PLBD1: variants seen among roughly 807,000 people sequenced by gnomAD.
The protein encoded by PLBD1 is phospholipase B domain containing 1.
Under a neutral mutation model 63.0 loss-of-function variants are expected in PLBD1, and 60 were observed. That is an observed-to-expected ratio of 0.95 (90% CI 0.77 to 1.18). The LOEUF (loss-of-function observed/expected upper bound fraction) is 1.18. Ranked by LOEUF, PLBD1 falls within the 50% of genes most tolerant of loss-of-function variation. PLBD1 has a pLI of 0.00. For missense variants in PLBD1, 598 were observed against 677.9 expected (o/e 0.88, Z 1.31); for synonymous variants, 262 against 248.0 (o/e 1.06, Z -0.53).
At chr12:14,549,729 C>T (rs777158806) in intron 2 of PLBD1, among the ~76,000 whole-genome samples, 4 of 151,950 alleles carry the variant, frequency 2.6e-5, no homozygotes, top group East Asian at 1.9e-4. Flanking sequence ...AGTGCAATGG[C>T]GCAATCTCAA....
At chr12:14,508,956 C>T (rs554871059) in intron 8 of PLBD1, among the ~76,000 whole-genome samples, 9 of 152,224 alleles carry the variant, frequency 5.9e-5, no homozygotes, top group East Asian at 1.9e-4. Context: ...TATCACCATA[C>T]CACAGTTGCT....
chr12:14,536,007 A>G, intron 5 of PLBD1: 1 of 520,872 alleles, frequency 1.9e-6, no homozygotes, highest in Non-Finnish European at 3.3e-6. Flanking sequence ...TCAAAATGGA[A>G]GACTCCAGCT....
intron 6 of PLBD1, among the ~76,000 whole-genome samples, chr12:14,523,835 T>C (rs894668257): frequency 4.6e-5 from 7 of 152,258 alleles, no homozygotes; most frequent in African/African-American, 1.7e-4. Flanking sequence ...AATAAGTATG[T>C]TAAAGAGATA....
chr12:14,513,819 G>A (rs1291531854), intron 6 of PLBD1, among the ~76,000 whole-genome samples: 7 of 144,910 alleles, frequency 4.8e-5, no homozygotes, highest in African/African-American at 1.5e-4. Context: ...TCGCTCTGTC[G>A]CCCAGGCTGG....
At position 14,511,405 on chromosome 12, in the gene PLBD1, A is replaced by T; in HGVS notation, c.1046-5T>A. Reference sequence around the variant, plus strand: ...TGTATTGATTGTTATAGGTGCCTGAAATATCAGGAAACATGAAGACGGGGC... The same window carrying T: ...TGTATTGATTGTTATAGGTGCCTGATATATCAGGAAACATGAAGACGGGGC... On this transcript the variant is annotated splice_polypyrimidine_tract_variant and splice_region_variant and intron_variant, in intron 7 of 10. Coordinates refer to ENST00000240617, the MANE Select transcript of PLBD1 (RefSeq NM_024829.6). The T allele has an allele frequency of 6.2e-7, 1 of 1,613,130 alleles. No homozygotes were observed. The highest frequency in any genetic ancestry group is 8.5e-7 in the Non-Finnish European group (1 of 1,179,450).
At position 14,537,082 on chromosome 12, in the gene PLBD1, G is replaced by A. The variant is rs977906808; in HGVS notation, c.559-372C>T. On this transcript the variant is annotated intron_variant, in intron 4 of 10. Transcript: ENST00000240617. ...CCAGCCTGGGCAACAGAGCGAGACCGCATCTCAAAAAAAAAAAAAAAAAAA... is the reference window on the plus strand; with the variant it reads ...CCAGCCTGGGCAACAGAGCGAGACCACATCTCAAAAAAAAAAAAAAAAAAA... Among the ~76,000 whole-genome samples, 9 of 125,066 alleles carry A rather than the reference G, an allele frequency of 7.2e-5. No homozygotes were observed. In the East Asian group the frequency reaches 1.8e-3, roughly 25 times the overall value. The allele number at this position is 125,066 out of a possible 152,430, so 82.0% of individuals were successfully genotyped here. A position where few individuals can be genotyped will look rare whatever the true frequency, so the allele number is the denominator to read the frequency against.
intron 10 of PLBD1, 103 bp downstream of exon 10, chr12:14,506,059 T>A (rs1478290818): frequency 1.4e-6 from 1 of 689,968 alleles, no homozygotes; most frequent in South Asian, 2.4e-5. Context: ...GTTGAGTTTA[T>A]GGTTAGCGAC....
At chr12:14,543,441 G>A (rs1008031169) in intron 2 of PLBD1, among the ~76,000 whole-genome samples, 6 of 151,940 alleles carry the variant, frequency 3.9e-5, no homozygotes, top group Non-Finnish European at 7.4e-5. Context: ...TTCTTAGGCC[G>A]AGCACGATGG....
intron 1 of PLBD1, among the ~76,000 whole-genome samples, chr12:14,558,481 C>A (rs540129589): frequency 6.6e-6 from 1 of 152,278 alleles, no homozygotes; most frequent in East Asian, 1.9e-4. Flanking sequence ...GCTTTTCTCA[C>A]ACATTCCCTT....
intron 3 of PLBD1, 64 bp downstream of exon 3, chr12:14,542,144 G>T (rs1229239910): frequency 1.4e-6 from 2 of 1,391,282 alleles, no homozygotes; most frequent in East Asian, 2.3e-5. Flanking sequence ...ATTGCTGCTT[G>T]AAATTACAGA....
chr12:14,506,045 C>A, intron 10 of PLBD1, 117 bp downstream of exon 10: 1 of 625,050 alleles, frequency 1.6e-6, no homozygotes, highest in Non-Finnish European at 2.7e-6. Flanking sequence ...AAGCTGATTC[C>A]TGGGTTGAGT....
intron 1 of PLBD1, among the ~76,000 whole-genome samples, chr12:14,557,153 T>C (rs766660926): frequency 6.6e-6 from 1 of 151,980 alleles, no homozygotes; most frequent in Non-Finnish European, 1.5e-5. Flanking sequence ...TGGCTATTAT[T>C]TAAAATGTCA....
intron 1 of PLBD1, among the ~76,000 whole-genome samples, chr12:14,561,219 A>T (rs865803591): frequency 5.3e-5 from 8 of 151,256 alleles, no homozygotes; most frequent in Non-Finnish European, 7.4e-5. Flanking sequence ...CAAAACAACA[A>T]TCCACAAATG....
chr12:14,514,711 C>A (rs961713717), intron 6 of PLBD1, among the ~76,000 whole-genome samples: 1 of 151,826 alleles, frequency 6.6e-6, no homozygotes, highest in Non-Finnish European at 1.5e-5. Flanking sequence ...AAACACATTT[C>A]TTTGACTACA....
Position 14,506,864 on chromosome 12 carries a change from C to T in PLBD1, c.1372+69G>A, listed in dbSNP as rs1591992538. ...TTCTAGTACAGAGATGATAAACTTA[C>T]ATGGATTCTGTATCCATAGGGAAGA... On this transcript the variant is annotated intron_variant, in intron 9 of 10. Coordinates refer to ENST00000240617, the MANE Select transcript of PLBD1 (RefSeq NM_024829.6). 13 of 1,390,674 alleles carry T rather than the reference C, an allele frequency of 9.3e-6. No individual in the cohort carries two copies. The East Asian group carries it at 3.0e-4, about 32-fold the overall frequency. 86.1% of individuals were successfully genotyped at this position (1,390,674 alleles called of 1,614,324 possible). A position where few individuals can be genotyped will look rare whatever the true frequency, so the allele number is the denominator to read the frequency against.
intron 2 of PLBD1, among the ~76,000 whole-genome samples, chr12:14,552,332 C>A (rs1292011423): frequency 6.6e-6 from 1 of 151,672 alleles, no homozygotes; most frequent in African/African-American, 2.4e-5. Context: ...TTATTAATTA[C>A]GTCCTTGTTA....
intron 1 of PLBD1, among the ~76,000 whole-genome samples, chr12:14,555,894 G>GC (rs1039533505): frequency 4.6e-5 from 7 of 152,282 alleles, no homozygotes; most frequent in African/African-American, 1.7e-4. Context: ...TTACATGCTT[G>GC]CCCCTGCTCC....
chr12:14,519,253 C>T (rs1565572515), intron 6 of PLBD1, among the ~76,000 whole-genome samples: 2 of 152,008 alleles, frequency 1.3e-5, no homozygotes, highest in African/African-American at 4.8e-5. Flanking sequence ...GGATACAGAG[C>T]ATTAAAAAGG....
chr12:14,504,418 C>A (rs1159571241), intron 10 of PLBD1, among the ~76,000 whole-genome samples: 1 of 152,200 alleles, frequency 6.6e-6, no homozygotes, highest in African/African-American at 2.4e-5. Flanking sequence ...CTTCTGTATA[C>A]ATTTGGCTTA....
Sources: gnomAD v4.1 joint callset for allele counts (sites outside exome capture counted in the v4.1 genomes callset) on GRCh38, gnomAD v4.1.1 for gene constraint, MANE v1.5 for transcripts, NCBI Gene and HGNC (gene_info 2026-07-23, HGNC 2026-07-21) for gene names.